RSBN1L: variants seen among roughly 807,000 people sequenced by gnomAD.
RSBN1L encodes lysine-specific demethylase RSBN1L.
Under a neutral mutation model 67.7 loss-of-function variants are expected in RSBN1L, and 30 were observed. The observed-to-expected ratio is 0.44, with a 90% CI of 0.33 to 0.60. The LOEUF (loss-of-function observed/expected upper bound fraction) is 0.60. RSBN1L is among the 20% of genes least tolerant of loss of function. The probability of loss-of-function intolerance (pLI) is 0.02; values close to 1 mark genes in which losing one functional copy is unlikely to be tolerated. For synonymous variants in RSBN1L, 433 were observed against 387.0 expected, an observed-to-expected ratio of 1.12 and a Z score of -1.39; for missense variants, 992 against 1,031.7, an observed-to-expected ratio of 0.96 and a Z score of 0.53.
intron 2 of RSBN1L, among the ~76,000 whole-genome samples, chr7:77,746,984 C>G (rs1791492483): frequency 6.6e-6 from 1 of 152,230 alleles, no homozygotes; most frequent in African/African-American, 2.4e-5. Context: ...CCTGTGGCTG[C>G]TCTCAAGGGC....
intron 2 of RSBN1L, among the ~76,000 whole-genome samples, chr7:77,742,797 G>T (rs545408585): frequency 6.6e-6 from 1 of 152,152 alleles, no homozygotes; most frequent in African/African-American, 2.4e-5. Flanking sequence ...CCGATTGCAC[G>T]ATTGCACTGC....
At position 77,775,142 on chromosome 7, in the gene RSBN1L, C is replaced by T. The variant is rs562308904; in HGVS notation, c.1793+1828C>T. ...TATTTTAAAATTTTTTGTAGAGACA[C>T]GGTCTTGCTCTGTTGCCCAGGCTGG... On this transcript the variant is annotated intron_variant, in intron 6 of 7. Transcript: ENST00000334955. Among the ~76,000 whole-genome samples the T allele has an allele frequency of 5.3e-5, 8 of 152,076 alleles. No homozygotes were observed. In the East Asian group the frequency reaches 7.7e-4, roughly 15 times the overall value.
At chr7:77,763,761 C>G (rs1031269715) in intron 3 of RSBN1L, among the ~76,000 whole-genome samples, 2 of 152,096 alleles carry the variant, frequency 1.3e-5, no homozygotes, top group African/African-American at 4.8e-5. Flanking sequence ...GGCCTGATGA[C>G]AGCTCACTGC....
At chr7:77,772,731 TTAGA>T (rs67463057) in intron 5 of RSBN1L, among the ~76,000 whole-genome samples, 3,324 of 152,360 alleles carry the variant, frequency 0.022, 117 homozygotes, top group African/African-American at 0.075. Flanking sequence ...GCCCCAGTTC[TTAGA>T]TAGTACCTAG....
intron 6 of RSBN1L, among the ~76,000 whole-genome samples, chr7:77,774,025 G>A (rs951511487): frequency 6.6e-6 from 1 of 152,116 alleles, no homozygotes; most frequent in Non-Finnish European, 1.5e-5. Flanking sequence ...TTAATAAATG[G>A]TAGAGCTGAG....
At chr7:77,733,993 G>A (rs148648239) in intron 1 of RSBN1L, among the ~76,000 whole-genome samples, 1 of 152,310 alleles carries the variant, frequency 6.6e-6, no homozygotes, top group East Asian at 1.9e-4. Flanking sequence ...CGAGTGCGAT[G>A]GCGTGTGCCT....
At chr7:77,776,279 C>G (rs564745035) in intron 6 of RSBN1L, among the ~76,000 whole-genome samples, 111 of 152,234 alleles carry the variant, frequency 7.3e-4, no homozygotes, top group African/African-American at 2.6e-3. Context: ...AAGCTATGAT[C>G]ACGTATCATA....
In RSBN1L at chr7:77,777,489, TA is replaced by T. The variant is rs747173463; in HGVS notation, c.1794-848del. ...TTTTTATTTCACATTTTTTGGAGGA[TA>T]TTTTTTGGTGGATATAGAATTCTAG... On this transcript the variant is annotated intron_variant, in intron 6 of 7. Coordinates refer to ENST00000334955, the MANE Select transcript of RSBN1L (RefSeq NM_198467.3). Among the ~76,000 whole-genome samples, 18 of 152,216 alleles carry T rather than the reference TA, an allele frequency of 1.2e-4. No homozygotes were observed. In the East Asian group the frequency reaches 3.1e-3, roughly 26 times the overall value.
rs1358548174 is a variant in RSBN1L at position 77,779,236 on chromosome 7, A to G, written c.*68A>G. 8.8e-7 allele frequency: 1 copy of G among 1,135,442 alleles called. No homozygotes were observed. Among genetic ancestry groups the G allele is most frequent in the African/African-American group, 1.6e-5 (1 of 63,220 alleles). 70.3% of individuals were successfully genotyped at this position (1,135,442 alleles called of 1,614,324 possible). ...TGTAATAAAGATTCATGAATTCTGA[A>G]AGCAAGCCAAGGACTTGCTCCTATG... On this transcript the variant is annotated 3_prime_UTR_variant, in exon 8 of 8. Coordinates refer to ENST00000334955, the MANE Select transcript of RSBN1L (RefSeq NM_198467.3).
At chr7:77,749,040 G>T (rs1791520674) in intron 2 of RSBN1L, among the ~76,000 whole-genome samples, 1 of 152,130 alleles carries the variant, frequency 6.6e-6, no homozygotes, top group Non-Finnish European at 1.5e-5. Flanking sequence ...CAGATCACGA[G>T]GTCAGGAGTT....
At chr7:77,775,288 A>C (rs1791899132) in intron 6 of RSBN1L, among the ~76,000 whole-genome samples, 1 of 152,140 alleles carries the variant, frequency 6.6e-6, no homozygotes, top group African/African-American at 2.4e-5. Flanking sequence ...TAATCCCAGC[A>C]CTTTTGGAGG....
chr7:77,777,204 A>G (rs765258727), intron 6 of RSBN1L, among the ~76,000 whole-genome samples: 5 of 151,872 alleles, frequency 3.3e-5, no homozygotes, highest in African/African-American at 7.3e-5. Flanking sequence ...GCTAATTGTC[A>G]TGTATTTTAC....
chr7:77,742,182 TACACAC>T (rs1169498942), intron 2 of RSBN1L, among the ~76,000 whole-genome samples: 59 of 80,294 alleles, frequency 7.3e-4, no homozygotes, highest in Middle Eastern at 0.014. Flanking sequence ...AAAAAAAAAA[TACACAC>T]ACACACACAC....
At chr7:77,746,797 A>T (rs1429866925) in intron 2 of RSBN1L, among the ~76,000 whole-genome samples, 1 of 152,210 alleles carries the variant, frequency 6.6e-6, no homozygotes, top group East Asian at 1.9e-4. Context: ...AAATTGGCCA[A>T]AAAAAGGAGC....
intron 3 of RSBN1L, among the ~76,000 whole-genome samples, chr7:77,755,667 A>G (rs1429381066): frequency 1.0e-5 from 1 of 99,708 alleles, no homozygotes; most frequent in Admixed American, 8.6e-5. Context: ...ACTTGTCTCA[A>G]AAACAAAACA....
chr7:77,734,966 A>G (rs1247774656), intron 1 of RSBN1L, among the ~76,000 whole-genome samples: 1 of 152,084 alleles, frequency 6.6e-6, no homozygotes, highest in African/African-American at 2.4e-5. Context: ...CTGTATCCCT[A>G]ATCTTTTTCT....
At chr7:77,731,268 C>T (rs1791267974) in intron 1 of RSBN1L, among the ~76,000 whole-genome samples, 1 of 152,066 alleles carries the variant, frequency 6.6e-6, no homozygotes, top group African/African-American at 2.4e-5. Flanking sequence ...GGCTTGAGTG[C>T]AGTGGCACGA....
At chr7:77,724,208 C>CT (rs1243479814) in intron 1 of RSBN1L, among the ~76,000 whole-genome samples, 2 of 151,744 alleles carry the variant, frequency 1.3e-5, no homozygotes, top group African/African-American at 2.4e-5. Context: ...CCTTTGGAAA[C>CT]TTTTTTTAAT....
intron 4 of RSBN1L, 46 bp from the exon 5 acceptor site, chr7:77,768,615 A>C (rs1340481360): frequency 6.5e-7 from 1 of 1,545,416 alleles, no homozygotes; most frequent in Non-Finnish European, 8.9e-7. Flanking sequence ...ACACTTGAAG[A>C]TACATTTTGA....
Sources: gnomAD v4.1 joint callset for allele counts (sites outside exome capture counted in the v4.1 genomes callset) on GRCh38, gnomAD v4.1.1 for gene constraint, MANE v1.5 for transcripts, NCBI Gene and HGNC (gene_info 2026-07-23, HGNC 2026-07-21) for gene names.